ABHD12: variants seen among roughly 807,000 people sequenced by gnomAD.
ABHD12 encodes the protein abhydrolase domain containing 12, lysophospholipase, also known as lysophosphatidylserine lipase ABHD12.
Under a neutral mutation model 58.3 loss-of-function variants are expected in ABHD12, and 43 were observed. That is an observed-to-expected ratio of 0.74 (90% CI 0.58 to 0.95). The LOEUF is 0.95. ABHD12 is among the 40% of genes least tolerant of loss of function. ABHD12 has a pLI of 0.00. For missense variants in ABHD12, 539 were observed against 537.2 expected (o/e 1.00, Z -0.03); for synonymous variants, 219 against 211.2 (o/e 1.04, Z -0.32).
At chr20:25,301,385 G>A (rs2088632732) in intron 12 of ABHD12, among the ~76,000 whole-genome samples, 1 of 152,180 alleles carries the variant, frequency 6.6e-6, no homozygotes, top group Admixed American at 6.5e-5. Flanking sequence ...TCCCCTGCAG[G>A]GAGAAACTGG....
At chr20:25,335,865 A>G (rs1412374366) in intron 2 of ABHD12, among the ~76,000 whole-genome samples, 1 of 148,378 alleles carries the variant, frequency 6.7e-6, no homozygotes, top group Non-Finnish European at 1.5e-5. Context: ...CTAGATGACG[A>G]GTTAGTGGGT....
intron 1 of ABHD12, among the ~76,000 whole-genome samples, chr20:25,341,396 T>C (rs1052227136): frequency 6.6e-6 from 1 of 152,222 alleles, no homozygotes; most frequent in Non-Finnish European, 1.5e-5. Flanking sequence ...AAATGTCATC[T>C]TAAACGCCAT....
At chr20:25,303,240 C>G (rs1053012045) in intron 11 of ABHD12, 2 of 1,235,400 alleles carry the variant, frequency 1.6e-6, no homozygotes, top group African/African-American at 1.6e-5. Flanking sequence ...GCTCTGATAA[C>G]ATAGGCAGCC....
intron 1 of ABHD12, among the ~76,000 whole-genome samples, chr20:25,376,275 C>T (rs1326776436): frequency 2.0e-5 from 3 of 152,260 alleles, no homozygotes; most frequent in South Asian, 2.1e-4. Flanking sequence ...AATCTCATTC[C>T]CCAAGACTAA....
intron 1 of ABHD12, among the ~76,000 whole-genome samples, chr20:25,389,398 G>A (rs2090138852): frequency 6.6e-6 from 1 of 151,952 alleles, no homozygotes; most frequent in African/African-American, 2.4e-5. Context: ...TTTTCCTTAG[G>A]AGCGATACGC....
At chr20:25,302,046 G>A (rs2088644939) in intron 12 of ABHD12, among the ~76,000 whole-genome samples, 173 bp downstream of exon 12, 1 of 152,206 alleles carries the variant, frequency 6.6e-6, no homozygotes, top group Non-Finnish European at 1.5e-5. Context: ...TGGAGCAGGA[G>A]AGAGGCACTC....
Position 25,316,713 on chromosome 20 carries a change from A to G in ABHD12, c.573+335T>C, listed in dbSNP as rs568298011. Among the ~76,000 whole-genome samples the G allele has an allele frequency of 3.0e-3, 454 of 152,298 alleles. 1 individual carries two copies. Among genetic ancestry groups the G allele is most frequent in the Non-Finnish European group, 5.5e-3 (373 of 68,016 alleles). The stretch of plus-strand genomic sequence containing the variant: ...CAACACTTTGGGAGGCCAAGGTGGG[A>G]GGCCCAGGAGTTCGAGACCAGCCTG... On this transcript the variant is annotated intron_variant, in intron 5 of 12. Transcript: ENST00000339157.
intron 1 of ABHD12, among the ~76,000 whole-genome samples, chr20:25,382,743 T>G (rs1331188726): frequency 6.6e-6 from 1 of 152,112 alleles, no homozygotes; most frequent in African/African-American, 2.4e-5. Context: ...AAAGTCACCA[T>G]AGAAGGCGGA....
chr20:25,303,438 T>TGATGCAGCATGC, intron 11 of ABHD12, 112 bp downstream of exon 11: 2 of 1,540,502 alleles, frequency 1.3e-6, no homozygotes, highest in Non-Finnish European at 1.7e-6. Context: ...GCGCAGCCCG[T>TGATGCAGCATGC]GATGCAGCAT....
At chr20:25,295,088 C>T (rs1372913666) in intron 12 of ABHD12, 1 of 1,540,848 alleles carries the variant, frequency 6.5e-7, no homozygotes, top group Non-Finnish European at 9.0e-7. Context: ...AAGTGTGCTT[C>T]TGACTCGATA....
Position 25,316,554 on chromosome 20 carries a change from G to A in ABHD12, c.573+494C>T, listed in dbSNP as rs191764578. ...CCAATATCTGCACTTGGTCTACAAA[G>A]CCCATACATTCTGATGTTGGGGCCC... On this transcript the variant is annotated intron_variant, in intron 5 of 12. Transcript: ENST00000339157. Among the ~76,000 whole-genome samples the A allele has an allele frequency of 3.3e-5, 5 of 152,358 alleles. No individual in the cohort carries two copies. In the East Asian group the frequency reaches 9.7e-4, roughly 29 times the overall value.
intron 2 of ABHD12, among the ~76,000 whole-genome samples, chr20:25,337,057 T>C (rs1420365413): frequency 6.6e-6 from 1 of 151,756 alleles, no homozygotes; most frequent in Non-Finnish European, 1.5e-5. Context: ...AGCCCAGGAG[T>C]TTGAGGCCAG....
rs1464451968 is a variant in ABHD12, at chr20:25,368,410, C to T, written c.191+22103G>A. 56 of 1,597,320 alleles carry T rather than the reference C, an allele frequency of 3.5e-5. No individual in the cohort carries two copies. In the South Asian group the frequency reaches 5.6e-4, roughly 16 times the overall value. ...AGACCACATGCTTGCCATCCAACCA[C>T]TCAGTCTTGGCAGTGCAGATGAAAA... is the stretch of plus-strand genomic sequence containing the variant. On this transcript the variant is annotated intron_variant, in intron 1 of 12. Transcript: ENST00000339157.
Position 25,302,308 on chromosome 20 carries a change from A to G in ABHD12, c.1068T>C (p.Asp356=), listed in dbSNP as rs10966. The change falls in exon 12 of 13, where the codon GAT becomes GAC. Residue 356 remains aspartate, a synonymous_variant. Coordinates refer to ENST00000339157, the MANE Select transcript of ABHD12 (RefSeq NM_001042472.3). ...SIAAPARSFR[D]FKVQFVPFHS... ...GAAAGGGCACAAACTGAACTTTGAA[A>G]TCTCGGAAGCTTCGAGCTGGTGCGG... 0.45 allele frequency: 731,599 copies of G among 1,613,460 alleles called. 172,406 individuals are homozygous for G. The highest frequency in any genetic ancestry group is 0.92 in the East Asian group (41,126 of 44,858).
At chr20:25,305,473 C>T (rs1286085205) in intron 10 of ABHD12, among the ~76,000 whole-genome samples, 1 of 152,122 alleles carries the variant, frequency 6.6e-6, no homozygotes, top group Admixed American at 6.5e-5. Flanking sequence ...AGCGATTCTC[C>T]TGCCTCAGCC....
chr20:25,367,905 G>A lies in ABHD12; in HGVS notation c.191+22608C>T, dbSNP rs113362752. Among the ~76,000 whole-genome samples the A allele has an allele frequency of 6.9e-3, 1,052 of 152,196 alleles. 4 individuals are homozygous for A. The highest frequency in any genetic ancestry group is 0.02 in the Middle Eastern group (6 of 294). ...GAGACCCTGTTTTCAATTATTTTTG[G>A]TAGATACCCAGAAGCGCAGCTGCTG... On this transcript the variant is annotated intron_variant, in intron 1 of 12. Coordinates refer to ENST00000339157, the MANE Select transcript of ABHD12 (RefSeq NM_001042472.3).
rs1316761874 is a variant in ABHD12, at chr20:25,303,762, T to C, written c.951-134A>G. 5.5e-6 allele frequency: 7 copies of C among 1,262,482 alleles called. No individual in the cohort carries two copies. The Admixed American group carries it at 6.0e-5, about 11-fold the overall frequency. 78.2% of individuals were successfully genotyped at this position (1,262,482 alleles called of 1,614,324 possible). A position where few individuals can be genotyped will look rare whatever the true frequency, so the allele number is the denominator to read the frequency against. The stretch of plus-strand genomic sequence containing the variant: ...TGATTTCTGCTGGATTTCTTTTTAC[T>C]AGACAACTGAAAGTTAACTCTTCAT... On this transcript the variant is annotated intron_variant, in intron 10 of 12. Coordinates refer to ENST00000339157, the MANE Select transcript of ABHD12 (RefSeq NM_001042472.3).
At chr20:25,340,628 C>A (rs2089442599) in intron 1 of ABHD12, among the ~76,000 whole-genome samples, 1 of 152,210 alleles carries the variant, frequency 6.6e-6, no homozygotes, top group East Asian at 1.9e-4. Context: ...CCTAGTGGGA[C>A]AAGCTATCTC....
At chr20:25,308,431 C>T (rs767556245) in intron 8 of ABHD12, 26 bp downstream of exon 8, 15 of 1,608,674 alleles carry the variant, frequency 9.3e-6, no homozygotes, top group African/African-American at 5.3e-5. Context: ...CTCACTGCCA[C>T]GGCTGGGGCC....
Sources: gnomAD v4.1 joint callset for allele counts (sites outside exome capture counted in the v4.1 genomes callset) on GRCh38, gnomAD v4.1.1 for gene constraint, MANE v1.5 for transcripts, NCBI Gene and HGNC (gene_info 2026-07-23, HGNC 2026-07-21) for gene names.